Variants in SNRPG observed in about 807,000 individuals in gnomAD.
The protein encoded by SNRPG is small nuclear ribonucleoprotein G.
Under a neutral mutation model 13.9 loss-of-function variants are expected in SNRPG, and 3 were observed. That is an observed-to-expected ratio of 0.22 (90% CI 0.10 to 0.56). The LOEUF is 0.56. Among genes scored for constraint, SNRPG ranks in the 20% least tolerant of loss-of-function variants. SNRPG has a pLI of 0.93. For synonymous variants in SNRPG, 29 were observed against 29.3 expected (o/e 0.99, Z 0.03); for missense variants, 34 against 96.1 (o/e 0.35, Z 2.70).
intron 1 of SNRPG, 71 bp from the exon 2 acceptor site, chr2:70,289,443 T>C: frequency 1.3e-6 from 1 of 764,940 alleles, no homozygotes; most frequent in South Asian, 1.6e-5. Flanking sequence ...TAAATAGGTA[T>C]AGTTAAGATA....
At chr2:70,291,887 T>C (rs1045962530) in intron 1 of SNRPG, among the ~76,000 whole-genome samples, 4 of 151,182 alleles carry the variant, frequency 2.6e-5, no homozygotes, top group African/African-American at 9.7e-5. Context: ...GATACTTACA[T>C]CACCAAAAAT....
At chr2:70,287,652 T>C (rs910970725) in intron 3 of SNRPG, among the ~76,000 whole-genome samples, 1 of 152,230 alleles carries the variant, frequency 6.6e-6, no homozygotes, top group African/African-American at 2.4e-5. Flanking sequence ...AACTGGCAGA[T>C]CTGCATTAGG....
At position 70,283,122 on chromosome 2, in the gene SNRPG, A is replaced by AC. The variant is rs1553474953; in HGVS notation, c.181-1439_181-1438insG. On this transcript the variant is annotated intron_variant, in intron 3 of 3. Transcript: ENST00000272348. Reference sequence around the variant, plus strand: ...AAAAAAAAAAAAAAAAAAAAAAAAAAAACAACAAACCAAAACCAAAACAAA... The same window carrying AC: ...AAAAAAAAAAAAAAAAAAAAAAAAAACAACAACAAACCAAAACCAAAACAAA... 2.2e-4 allele frequency among the ~76,000 whole-genome samples: 18 copies of AC among 82,992 alleles called. 2 individuals carry two copies. The highest frequency in any genetic ancestry group is 3.7e-4 in the African/African-American group (9 of 24,532). The allele number at this position is 82,992 out of a possible 152,430, so 54.4% of individuals were successfully genotyped here. A position where few individuals can be genotyped will look rare whatever the true frequency, so the allele number is the denominator to read the frequency against.
intron 1 of SNRPG, among the ~76,000 whole-genome samples, chr2:70,290,823 T>TGAA (rs1559045715): frequency 5.5e-4 from 14 of 25,262 alleles, no homozygotes; most frequent in African/African-American, 2.5e-3. Flanking sequence ...CCGTCTCTAC[T>TGAA]AAAAAAAAAA....
chr2:70,285,391 G>T lies in SNRPG; in HGVS notation c.180+2677C>A, dbSNP rs60111283. On this transcript the variant is annotated intron_variant, in intron 3 of 3. Coordinates refer to ENST00000272348, the MANE Select transcript of SNRPG (RefSeq NM_003096.4). ...GTTTGAGACCAGCCTGGCCAACATA[G>T]TGAAACCCTGTCTCTACTAAAAATA... Among the ~76,000 whole-genome samples, 752 of 152,212 alleles carry T rather than the reference G, an allele frequency of 4.9e-3. 8 individuals carry two copies. The highest frequency in any genetic ancestry group is 0.017 in the African/African-American group (713 of 41,504).
intron 1 of SNRPG, among the ~76,000 whole-genome samples, chr2:70,291,946 C>CT (rs1315760452): frequency 3.0e-5 from 4 of 133,804 alleles, no homozygotes; most frequent in Non-Finnish European, 5.0e-5. Context: ...TGAGTAACTT[C>CT]TATTTTTTTT....
chr2:70,286,985 G>A (rs1053833812), intron 3 of SNRPG, among the ~76,000 whole-genome samples: 8 of 152,170 alleles, frequency 5.3e-5, no homozygotes, highest in African/African-American at 9.6e-5. Context: ...AAGCTCACAA[G>A]GGAATATACC....
In SNRPG at chr2:70,293,697, C is replaced by G. The variant is rs763792385; in HGVS notation, c.-48G>C. On this transcript the variant is annotated 5_prime_UTR_variant, in exon 1 of 4. Coordinates refer to ENST00000272348, the MANE Select transcript of SNRPG (RefSeq NM_003096.4). Reference sequence around the variant, plus strand: ...AGATGCCTTGGAACGCAACGCACGGCTTTCCTCACGCTCCCGCTGTAGGCC... The same window carrying G: ...AGATGCCTTGGAACGCAACGCACGGGTTTCCTCACGCTCCCGCTGTAGGCC... 1.1e-5 allele frequency: 18 copies of G among 1,589,106 alleles called. No individual in the cohort carries two copies. Among genetic ancestry groups the G allele is most frequent in the Non-Finnish European group, 1.6e-5 (18 of 1,157,234 alleles).
In SNRPG at chr2:70,281,637, T is replaced by G. The variant is rs767160133; in HGVS notation, c.228A>C (p.Val76=). 6.4e-7 allele frequency: 1 copy of G among 1,566,140 alleles called. No individual in the cohort carries two copies. Among genetic ancestry groups the G allele is most frequent in the Non-Finnish European group, 8.8e-7 (1 of 1,141,888 alleles). ...TTCTCTGCTGAACAGCCATTATTTA[T>G]ACTCGTTCCAAGGCTTCTAACATGA... The part of the protein sequence containing the change: ...SIIMLEALER[V] Residue 76 remains valine (V), a synonymous_variant, in exon 4 of 4, where the codon GTA becomes GTC. Transcript: ENST00000272348.
intron 3 of SNRPG, among the ~76,000 whole-genome samples, chr2:70,283,304 G>A (rs1265937066): frequency 1.3e-5 from 2 of 151,950 alleles, no homozygotes; most frequent in Non-Finnish European, 2.9e-5. Flanking sequence ...CATCAGTCAA[G>A]TAGAATTGGA....
At chr2:70,287,247 ATAAT>A in intron 3 of SNRPG, 1 of 694,508 alleles carries the variant, frequency 1.4e-6, no homozygotes, top group Admixed American at 2.1e-5. Flanking sequence ...ATCAAGGCTA[ATAAT>A]TAGCAACTCT....
chr2:70,293,488 C>G, intron 1 of SNRPG, 130 bp downstream of exon 1: 2 of 878,354 alleles, frequency 2.3e-6, no homozygotes, highest in Non-Finnish European at 3.9e-6. Context: ...GGCCGGGATC[C>G]CGGCGACCTC....
chr2:70,289,821 G>T (rs746435782), intron 1 of SNRPG, among the ~76,000 whole-genome samples: 3 of 152,068 alleles, frequency 2.0e-5, no homozygotes, highest in Non-Finnish European at 4.4e-5. Flanking sequence ...GGGAAAAAAA[G>T]AGTGGGGGCG....
At chr2:70,289,248 T>C in intron 2 of SNRPG, 102 bp downstream of exon 2, 2 of 700,856 alleles carry the variant, frequency 2.9e-6, no homozygotes, top group Non-Finnish European at 2.4e-6. Flanking sequence ...CCATCGCGCC[T>C]GGCTGCTTTA....
At chr2:70,292,665 G>A (rs1474745993) in intron 1 of SNRPG, 2 of 158,390 alleles carry the variant, frequency 1.3e-5, no homozygotes, top group African/African-American at 4.8e-5. Flanking sequence ...TTATTAAATA[G>A]GAACTTTACC....
intron 1 of SNRPG, among the ~76,000 whole-genome samples, chr2:70,290,647 CAAG>C (rs1014284949): frequency 2.0e-5 from 3 of 151,284 alleles, no homozygotes; most frequent in Non-Finnish European, 4.4e-5. Context: ...AAATATAAAA[CAAG>C]GAGCATGACT....
In SNRPG at chr2:70,293,718, A is replaced by C; in HGVS notation, c.-69T>G. 1.4e-6 allele frequency: 2 copies of C among 1,469,058 alleles called. No individual in the cohort carries two copies. Among genetic ancestry groups the C allele is most frequent in the South Asian group, 2.3e-5 (2 of 88,218 alleles). 91.0% of individuals were successfully genotyped at this position (1,469,058 alleles called of 1,614,324 possible). ...ACGGCTTTCCTCACGCTCCCGCTGT[A>C]GGCCCGGCGTCTTGCGTCTGGCGTC... On this transcript the variant is annotated 5_prime_UTR_variant, in exon 1 of 4. Transcript: ENST00000272348.
chr2:70,293,450 G>T (rs985626659), intron 1 of SNRPG, 168 bp downstream of exon 1: 2 of 716,140 alleles, frequency 2.8e-6, no homozygotes, highest in Non-Finnish European at 5.1e-6. Flanking sequence ...AGCTCTGCGC[G>T]GGCTTCACGT....
intron 3 of SNRPG, chr2:70,287,264 C>A (rs1231591091): frequency 1.4e-6 from 1 of 699,290 alleles, no homozygotes; most frequent in Non-Finnish European, 2.6e-6. Context: ...GCAACTCTTA[C>A]CACTCCTTGG....
Sources: allele counts gnomAD v4.1 joint callset (sites outside exome capture counted in the v4.1 genomes callset), GRCh38; gene constraint gnomAD v4.1.1; transcripts MANE v1.5; gene names NCBI Gene and HGNC (gene_info 2026-07-23, HGNC 2026-07-21).